The following RELN variants were observed in gnomAD, a reference collection of about 807,000 sequenced individuals.
The protein encoded by RELN is reelin.
Under a neutral mutation model 427.6 loss-of-function variants are expected in RELN, and 108 were observed. That is an observed-to-expected ratio of 0.25 (90% CI 0.22 to 0.30). The LOEUF is 0.30. RELN is among the 10% of genes least tolerant of loss of function. The pLI, the probability that RELN is intolerant of heterozygous loss-of-function variation, is 1.00. For missense variants in RELN, 3,715 were observed against 4,302.8 expected, an observed-to-expected ratio of 0.86 and a Z score of 3.82; for synonymous variants, 1,524 against 1,513.4, an observed-to-expected ratio of 1.01 and a Z score of -0.16.
At chr7:103,669,882 T>C (rs1833353159) in intron 11 of RELN, among the ~76,000 whole-genome samples, 1 of 152,152 alleles carries the variant, frequency 6.6e-6, no homozygotes, top group Non-Finnish European at 1.5e-5. Context: ...CCTTATTTAT[T>C]ATAAATACAG....
intron 7 of RELN, among the ~76,000 whole-genome samples, chr7:103,724,879 G>A (rs1248081008): frequency 6.6e-6 from 1 of 151,148 alleles, no homozygotes; most frequent in African/African-American, 2.4e-5. Context: ...TTATACTTGA[G>A]TATTATAAAT....
In RELN at chr7:103,549,881, A is replaced by G. The variant is rs534203125; in HGVS notation, c.6302+1186T>C. Among the ~76,000 whole-genome samples the G allele has an allele frequency of 5.3e-5, 8 of 152,250 alleles. No individual in the cohort carries two copies. In the East Asian group the frequency reaches 1.5e-3, roughly 29 times the overall value. ...TTCCTGGATTATTTTCCCCTGCCAG[A>G]TTCTTCTAAAGACAAGCTCCCCACA... is the stretch of plus-strand genomic sequence containing the variant. On this transcript the variant is annotated intron_variant, in intron 41 of 64. Transcript: ENST00000428762.
At chr7:103,829,319 C>G (rs570564945) in intron 3 of RELN, among the ~76,000 whole-genome samples, 1 of 151,596 alleles carries the variant, frequency 6.6e-6, no homozygotes, top group Non-Finnish European at 1.5e-5. Context: ...CCTCCTTCCT[C>G]CTCTCCTCCT....
At chr7:103,646,578 T>C (rs777219073) in intron 16 of RELN, among the ~76,000 whole-genome samples, 16 of 151,730 alleles carry the variant, frequency 1.1e-4, no homozygotes, top group African/African-American at 1.5e-4. Context: ...CAGGAAGAAA[T>C]AGAAATCCGG....
intron 60 of RELN, among the ~76,000 whole-genome samples, chr7:103,489,215 T>TGTGTGTGTGTGTGCGCGCGCACGCGC (rs1554362027): frequency 2.0e-5 from 3 of 151,564 alleles, no homozygotes; most frequent in African/African-American, 7.3e-5. Flanking sequence ...TGTGTGTGTG[T>TGTGTGTGTGTGTGCGCGCGCACGCGC]GTGTGTGTGT....
intron 20 of RELN, among the ~76,000 whole-genome samples, chr7:103,622,646 T>G (rs1233570394): frequency 1.3e-5 from 2 of 152,290 alleles, no homozygotes; most frequent in South Asian, 2.1e-4. Flanking sequence ...AAGCTCTTTT[T>G]CCATACTTTT....
chr7:103,840,524 A>G (rs1319829730), intron 2 of RELN, among the ~76,000 whole-genome samples: 3 of 152,166 alleles, frequency 2.0e-5, no homozygotes, highest in South Asian at 2.1e-4. Flanking sequence ...ATTGTAATCT[A>G]TGAGTACTAT....
At chr7:103,712,510 T>G (rs1789830462) in intron 8 of RELN, among the ~76,000 whole-genome samples, 1 of 152,212 alleles carries the variant, frequency 6.6e-6, no homozygotes, top group Non-Finnish European at 1.5e-5. Context: ...CTTAATTAAC[T>G]TATAGATTTC....
chr7:103,823,385 C>A (rs1793056772), intron 3 of RELN, among the ~76,000 whole-genome samples: 1 of 151,944 alleles, frequency 6.6e-6, no homozygotes, highest in Middle Eastern at 3.2e-3. Flanking sequence ...TTTTATACTT[C>A]TATGATTTTT....
chr7:103,836,546 TC>T (rs1281002824), intron 2 of RELN, among the ~76,000 whole-genome samples: 1 of 152,108 alleles, frequency 6.6e-6, no homozygotes, highest in Non-Finnish European at 1.5e-5. Flanking sequence ...TTCTCCAACC[TC>T]AGTTTCAGCA....
At chr7:103,504,253 A>C (rs1829134229) in intron 51 of RELN, among the ~76,000 whole-genome samples, 1 of 152,228 alleles carries the variant, frequency 6.6e-6, no homozygotes, top group Non-Finnish European at 1.5e-5. Flanking sequence ...AGTTAGTATT[A>C]ATAGAGAGAT....
At chr7:103,506,306 G>A (rs1235494777) in intron 51 of RELN, among the ~76,000 whole-genome samples, 1 of 152,168 alleles carries the variant, frequency 6.6e-6, no homozygotes, top group Non-Finnish European at 1.5e-5. Flanking sequence ...AGGGCAGCAA[G>A]AGAGAAAGGT....
In RELN at chr7:103,969,970, C is replaced by T. The variant is rs182952295; in HGVS notation, c.226+19161G>A. ...TCATTATTCACAGATTCCTTATTTA[C>T]GAATTTATCTGTAACTCCAATATCA... On this transcript the variant is annotated intron_variant, in intron 1 of 64. Transcript: ENST00000428762. 1.6e-3 allele frequency among the ~76,000 whole-genome samples: 237 copies of T among 152,138 alleles called. 1 individual carries two copies. In the South Asian group the frequency reaches 0.019, roughly 12 times the overall value.
chr7:103,959,358 T>C (rs917806918), intron 1 of RELN, among the ~76,000 whole-genome samples: 3 of 152,182 alleles, frequency 2.0e-5, no homozygotes, highest in African/African-American at 4.8e-5. Context: ...TACATGCAGG[T>C]GATGTCCATA....
intron 17 of RELN, among the ~76,000 whole-genome samples, chr7:103,637,046 T>G (rs986503203): frequency 1.1e-4 from 16 of 152,130 alleles, no homozygotes; most frequent in African/African-American, 3.9e-4. Flanking sequence ...TCTCCCAAAT[T>G]AGTGGCACTT....
intron 1 of RELN, among the ~76,000 whole-genome samples, chr7:103,978,235 C>T (rs1796921296): frequency 6.6e-6 from 1 of 152,156 alleles, no homozygotes; most frequent in Non-Finnish European, 1.5e-5. Flanking sequence ...ACCCCAATCC[C>T]TAGCACCTGG....
intron 11 of RELN, among the ~76,000 whole-genome samples, chr7:103,671,554 G>A (rs976265341): frequency 5.9e-5 from 9 of 151,982 alleles, no homozygotes; most frequent in African/African-American, 2.2e-4. Flanking sequence ...TTCTCCTCCC[G>A]TAAAATGTAG....
At chr7:103,860,601 G>A (rs1032382440) in intron 2 of RELN, among the ~76,000 whole-genome samples, 4 of 152,098 alleles carry the variant, frequency 2.6e-5, no homozygotes, top group Non-Finnish European at 4.4e-5. Context: ...TATGGCAGAC[G>A]TGGCTTATAT....
intron 1 of RELN, among the ~76,000 whole-genome samples, chr7:103,919,535 C>T (rs1365466024): frequency 1.3e-5 from 2 of 152,128 alleles, no homozygotes; most frequent in Non-Finnish European, 2.9e-5. Context: ...CCTGTGACAT[C>T]GGCCCCTGCA....
Sources: allele counts gnomAD v4.1 joint callset (sites outside exome capture counted in the v4.1 genomes callset), GRCh38; gene constraint gnomAD v4.1.1; transcripts MANE v1.5; gene names NCBI Gene and HGNC (gene_info 2026-07-23, HGNC 2026-07-21).